The following SGCZ variants were observed in gnomAD, a reference collection of about 807,000 sequenced individuals.
SGCZ encodes sarcoglycan zeta.
In SGCZ, 40 loss-of-function variants were observed where a neutral mutation model predicts 41.3. That is an observed-to-expected ratio of 0.97 (90% CI 0.75 to 1.26). The LOEUF (loss-of-function observed/expected upper bound fraction) is 1.26, where lower values mean the gene tolerates loss of function less well. Ranked by LOEUF, SGCZ falls within the 50% of genes most tolerant of loss-of-function variation. The probability of loss-of-function intolerance (pLI) is 0.00; values close to 1 mark genes in which losing one functional copy is unlikely to be tolerated. For synonymous variants in SGCZ, 206 were observed against 137.5 expected (o/e 1.50, Z -3.49); for missense variants, 552 against 369.8 (o/e 1.49, Z -4.04).
intron 5 of SGCZ, among the ~76,000 whole-genome samples, chr8:14,157,292 ATATTT>A (rs565506936): frequency 9.5e-4 from 141 of 148,144 alleles, no homozygotes; most frequent in African/African-American, 3.3e-3. Context: ...TATACATATT[ATATTT>A]AATATACAAT....
Position 14,386,680 on chromosome 8 carries a change from A to G in SGCZ, c.235-62476T>C, listed in dbSNP as rs569065404. On this transcript the variant is annotated intron_variant, in intron 2 of 7. Coordinates refer to ENST00000382080, the MANE Select transcript of SGCZ (RefSeq NM_139167.4). ...GTTCAAAAGCAATTATAAAGCTTTA[A>G]TCATTATTATAGAAATGGGCTGCCA... Among the ~76,000 whole-genome samples the G allele has an allele frequency of 4.7e-4, 72 of 152,342 alleles. 2 individuals carry two copies. Among genetic ancestry groups the G allele is most frequent in the Admixed American group, 3.9e-3 (59 of 15,294 alleles).
At chr8:14,645,665 G>A (rs72607328) in intron 1 of SGCZ, among the ~76,000 whole-genome samples, 28,493 of 150,458 alleles carry the variant, frequency 0.19, 3,183 homozygotes, top group East Asian at 0.58. Flanking sequence ...TACCCCATAC[G>A]CACCTTTTCA....
At chr8:14,903,669 T>C (rs1446046636) in intron 1 of SGCZ, among the ~76,000 whole-genome samples, 28 of 152,170 alleles carry the variant, frequency 1.8e-4, no homozygotes, top group Admixed American at 1.6e-3. Flanking sequence ...TGAAAGAACG[T>C]CTTATGTATT....
At chr8:15,055,640 A>G (rs1199295186) in intron 1 of SGCZ, among the ~76,000 whole-genome samples, 6 of 152,202 alleles carry the variant, frequency 3.9e-5, no homozygotes, top group African/African-American at 1.4e-4. Context: ...TCCTAGGACC[A>G]TGTGGATATC....
intron 1 of SGCZ, among the ~76,000 whole-genome samples, chr8:15,159,227 C>T (rs1022518472): frequency 2.6e-5 from 4 of 152,172 alleles, no homozygotes; most frequent in African/African-American, 9.7e-5. Context: ...CATGTAGGTT[C>T]CCGAAGGGTG....
chr8:14,248,607 A>G (rs920092284), intron 3 of SGCZ, among the ~76,000 whole-genome samples: 9 of 152,216 alleles, frequency 5.9e-5, no homozygotes, highest in Admixed American at 5.2e-4. Flanking sequence ...TCTTTATCAA[A>G]TAAGTTGGAT....
intron 2 of SGCZ, among the ~76,000 whole-genome samples, chr8:14,452,838 G>T (rs979778741): frequency 6.6e-6 from 1 of 152,040 alleles, no homozygotes; most frequent in Non-Finnish European, 1.5e-5. Flanking sequence ...GTGGACTCAC[G>T]CCTGTACAAA....
chr8:14,185,439 T>C (rs1322401251), intron 4 of SGCZ, among the ~76,000 whole-genome samples: 1 of 151,990 alleles, frequency 6.6e-6, no homozygotes, highest in Non-Finnish European at 1.5e-5. Context: ...AAACAAAAAA[T>C]CTGGCTTTCA....
Position 14,809,941 on chromosome 8 carries a change from A to G in SGCZ, c.40-255015T>C, listed in dbSNP as rs190331764. Among the ~76,000 whole-genome samples the G allele has an allele frequency of 9.9e-3, 1,503 of 152,232 alleles. 10 individuals carry two copies. Among genetic ancestry groups the G allele is most frequent in the Middle Eastern group, 0.048 (14 of 294 alleles). On this transcript the variant is annotated intron_variant, in intron 1 of 7. Coordinates refer to ENST00000382080, the MANE Select transcript of SGCZ (RefSeq NM_139167.4). ...TTAGATGGATATTTAGATACTTAGA[A>G]TCTATTTAACTATATGGTTTTTCCT...
chr8:14,168,679 T>C (rs1008611187), intron 4 of SGCZ, among the ~76,000 whole-genome samples: 1 of 152,196 alleles, frequency 6.6e-6, no homozygotes, highest in Non-Finnish European at 1.5e-5. Context: ...CTCAGGTATG[T>C]CTTTACTAGC....
intron 2 of SGCZ, among the ~76,000 whole-genome samples, chr8:14,394,736 T>C (rs1409894099): frequency 3.3e-5 from 5 of 152,112 alleles, no homozygotes; most frequent in Non-Finnish European, 7.3e-5. Context: ...AGAATCAGGA[T>C]TGTATTTTCA....
At chr8:14,478,500 G>A (rs79339612) in intron 2 of SGCZ, among the ~76,000 whole-genome samples, 8,215 of 152,166 alleles carry the variant, frequency 0.054, 717 homozygotes, top group African/African-American at 0.18. Context: ...GCAGCAGTTT[G>A]AAAAAATCAG....
intron 1 of SGCZ, among the ~76,000 whole-genome samples, chr8:15,084,278 A>G (rs2131050742): frequency 6.6e-6 from 1 of 152,312 alleles, no homozygotes; most frequent in East Asian, 1.9e-4. Context: ...TTTAAAGACA[A>G]TTTTAAAATT....
At chr8:14,551,598 TA>T (rs1803864683) in intron 2 of SGCZ, among the ~76,000 whole-genome samples, 1 of 26,632 alleles carries the variant, frequency 3.8e-5, no homozygotes, top group Non-Finnish European at 6.0e-5. Context: ...TAATATATAT[TA>T]TATATATTAT....
intron 3 of SGCZ, among the ~76,000 whole-genome samples, chr8:14,321,311 T>A (rs1266896671): frequency 6.6e-6 from 1 of 152,058 alleles, no homozygotes; most frequent in Non-Finnish European, 1.5e-5. Context: ...TGGGTTAACT[T>A]TTGAAAAGCC....
At chr8:14,090,745 T>A in intron 7 of SGCZ, 108 bp from the exon 8 acceptor site, 1 of 945,770 alleles carries the variant, frequency 1.1e-6, no homozygotes, top group African/African-American at 1.7e-5. Context: ...CAACAAACAA[T>A]TCCATGGTTT....
chr8:14,900,351 C>T (rs1333063339), intron 1 of SGCZ, among the ~76,000 whole-genome samples: 4 of 152,118 alleles, frequency 2.6e-5, no homozygotes, highest in Non-Finnish European at 5.9e-5. Flanking sequence ...CTAGATTCTA[C>T]CATTTCTTCA....
intron 2 of SGCZ, among the ~76,000 whole-genome samples, chr8:14,433,880 T>A (rs1800014156): frequency 6.6e-6 from 1 of 152,208 alleles, no homozygotes; most frequent in Non-Finnish European, 1.5e-5. Context: ...AGAATGATGT[T>A]AATGTCACCC....
In SGCZ at chr8:14,994,623, G is replaced by T. The variant is rs1802149691; in HGVS notation, c.39+242962C>A. On this transcript the variant is annotated intron_variant, in intron 1 of 7. Transcript: ENST00000382080. ...AAGAAGAAGAAAGGGTAACCATGAG[G>T]GATGGACTGCTCATGGTAGATTAGG... 2.6e-5 allele frequency among the ~76,000 whole-genome samples: 4 copies of T among 151,830 alleles called. No individual in the cohort carries two copies. The South Asian group carries it at 8.3e-4, about 31-fold the overall frequency.
Sources: allele counts gnomAD v4.1 joint callset (sites outside exome capture counted in the v4.1 genomes callset), GRCh38; gene constraint gnomAD v4.1.1; transcripts MANE v1.5; gene names NCBI Gene and HGNC (gene_info 2026-07-23, HGNC 2026-07-21).